The following KIAA1958 variants were observed in gnomAD, a reference collection of about 807,000 sequenced individuals.
KIAA1958 encodes uncharacterized protein KIAA1958.
Under a neutral mutation model 47.2 loss-of-function variants are expected in KIAA1958, and 14 were observed. That is an observed-to-expected ratio of 0.30 (90% confidence interval 0.20 to 0.46). KIAA1958 has a LOEUF of 0.46. Ranked by LOEUF, KIAA1958 falls within the 20% of genes least tolerant of loss-of-function variation. The pLI is 1.00. For synonymous variants in KIAA1958, 354 were observed against 353.3 expected (o/e 1.00, Z -0.02); for missense variants, 803 against 909.2 (o/e 0.88, Z 1.50).
chr9:112,601,188 A>G (rs1836126134), intron 2 of KIAA1958, among the ~76,000 whole-genome samples: 1 of 152,260 alleles, frequency 6.6e-6, no homozygotes. Flanking sequence ...AAGTTAAGAA[A>G]GAAAATATCT....
chr9:112,643,983 G>A (rs995396410), intron 2 of KIAA1958, among the ~76,000 whole-genome samples: 2 of 152,136 alleles, frequency 1.3e-5, no homozygotes, highest in Non-Finnish European at 2.9e-5. Flanking sequence ...TTCTAGACCA[G>A]CCTGGCCAAC....
At chr9:112,638,803 A>G (rs555379842) in intron 2 of KIAA1958, among the ~76,000 whole-genome samples, 165 of 151,968 alleles carry the variant, frequency 1.1e-3, no homozygotes, top group Non-Finnish European at 1.6e-3. Flanking sequence ...TTTTTTCTAT[A>G]TTCTTTTCTC....
At chr9:112,503,868 A>C (rs1219161555) in intron 1 of KIAA1958, among the ~76,000 whole-genome samples, 1 of 151,958 alleles carries the variant, frequency 6.6e-6, no homozygotes, top group African/African-American at 2.4e-5. Flanking sequence ...GCATAAGGAA[A>C]AGATTGGAAG....
At chr9:112,622,520 ATATT>A (rs1172068782) in intron 2 of KIAA1958, among the ~76,000 whole-genome samples, 5 of 152,220 alleles carry the variant, frequency 3.3e-5, no homozygotes, top group African/African-American at 9.6e-5. Flanking sequence ...AAGAGATAGG[ATATT>A]TATTCAAGAC....
Position 112,618,912 on chromosome 9 carries a change from CT to C in KIAA1958, c.1172-26736del, listed in dbSNP as rs1588042456. The C allele has an allele frequency of 7.2e-6, 11 of 1,526,822 alleles. No homozygotes were observed. The East Asian group carries it at 2.7e-4, about 38-fold the overall frequency. The allele number at this position is 1,526,822 out of a possible 1,614,324, so 94.6% of individuals were successfully genotyped here. A position where few individuals can be genotyped will look rare whatever the true frequency, so the allele number is the denominator to read the frequency against. On this transcript the variant is annotated intron_variant, in intron 2 of 3. Coordinates refer to ENST00000337530, the MANE Select transcript of KIAA1958 (RefSeq NM_133465.4). The surrounding 1 kb of genome is among the most constrained non-coding windows in gnomAD (Gnocchi z 7.1). ...TCCTATGACTCTTCCTCAGACACCGCTTGACCAGGTGGCTTGAGCAAGACTC... is the reference window on the plus strand; with the variant it reads ...TCCTATGACTCTTCCTCAGACACCGCTGACCAGGTGGCTTGAGCAAGACTC...
intron 2 of KIAA1958, among the ~76,000 whole-genome samples, chr9:112,580,125 A>G (rs369258110): frequency 2.6e-5 from 4 of 152,178 alleles, no homozygotes; most frequent in Non-Finnish European, 2.9e-5. Context: ...CCACCCTGGA[A>G]ATGGTATTGA....
intron 2 of KIAA1958, among the ~76,000 whole-genome samples, chr9:112,635,215 TGTGTGTGTG>T (rs1428835235): frequency 3.4e-3 from 10 of 2,982 alleles, no homozygotes; most frequent in Non-Finnish European, 0.018. Flanking sequence ...TTCTTTATTT[TGTGTGTGTG>T]TGTGTGTGTG....
chr9:112,612,064 A>G (rs537003330), intron 2 of KIAA1958, among the ~76,000 whole-genome samples: 1 of 152,090 alleles, frequency 6.6e-6, no homozygotes, highest in Admixed American at 6.5e-5. Flanking sequence ...TGTTTATAAT[A>G]CATAATATGT....
chr9:112,599,695 C>A (rs1039081806), intron 2 of KIAA1958, among the ~76,000 whole-genome samples: 2 of 152,164 alleles, frequency 1.3e-5, no homozygotes, highest in African/African-American at 4.8e-5. Flanking sequence ...CATGTGTCTT[C>A]TACAACTGCC....
At chr9:112,532,609 A>G (rs1461710259) in intron 1 of KIAA1958, among the ~76,000 whole-genome samples, 1 of 152,240 alleles carries the variant, frequency 6.6e-6, no homozygotes, top group Non-Finnish European at 1.5e-5. Context: ...GGATTACCAC[A>G]GCACTGGTAG....
chr9:112,607,188 C>T (rs1397668072), intron 2 of KIAA1958, among the ~76,000 whole-genome samples: 1 of 152,018 alleles, frequency 6.6e-6, no homozygotes, highest in Admixed American at 6.6e-5. Context: ...GAAACCCCAT[C>T]TCTACTAAAA....
chr9:112,581,994 C>T, intron 2 of KIAA1958: 1 of 251,798 alleles, frequency 4.0e-6, no homozygotes, highest in Non-Finnish European at 8.2e-6. Context: ...CCCATGAATG[C>T]AAACTCACTG....
chr9:112,617,835 C>A, intron 2 of KIAA1958: 1 of 1,488,890 alleles, frequency 6.7e-7, no homozygotes, highest in Non-Finnish European at 9.1e-7. Context: ...AACTCATCAA[C>A]ACCCTCTCTA....
chr9:112,519,872 G>A (rs554309671), intron 1 of KIAA1958, among the ~76,000 whole-genome samples: 1 of 152,106 alleles, frequency 6.6e-6, no homozygotes, highest in South Asian at 2.1e-4. Context: ...TGTAATTGTT[G>A]TATTATTATA....
At position 112,663,587 on chromosome 9, in the gene KIAA1958, T is replaced by G. The variant is rs534788727; in HGVS notation, c.*3518T>G. 6.6e-6 allele frequency: 1 copy of G among 152,242 alleles called. No individual in the cohort carries two copies. Among genetic ancestry groups the G allele is most frequent in the South Asian group, 2.1e-4 (1 of 4,820 alleles). The allele number at this position is 152,242 out of a possible 1,614,324, so 9.4% of individuals were successfully genotyped here. ...TCCAACACAGCCAAGCTCTGATACC[T>G]CAGATATAAGCAAAAACAAGTGAAG... On this transcript the variant is annotated 3_prime_UTR_variant, in exon 4 of 4. Coordinates refer to ENST00000337530, the MANE Select transcript of KIAA1958 (RefSeq NM_133465.4).
At chr9:112,501,899 ATTGTT>A (rs1243347514) in intron 1 of KIAA1958, among the ~76,000 whole-genome samples, 2 of 152,236 alleles carry the variant, frequency 1.3e-5, no homozygotes, top group Non-Finnish European at 2.9e-5. Flanking sequence ...GTGACATTGT[ATTGTT>A]TTGTTTTCAC....
intron 1 of KIAA1958, among the ~76,000 whole-genome samples, chr9:112,565,469 A>G (rs540275784): frequency 2.6e-4 from 39 of 152,350 alleles, no homozygotes; most frequent in Non-Finnish European, 4.6e-4. Flanking sequence ...ATCATTGCCC[A>G]TGTCAGATAT....
chr9:112,618,954 G>A lies in KIAA1958; in HGVS notation c.1172-26696G>A. On this transcript the variant is annotated intron_variant, in intron 2 of 3. Transcript: ENST00000337530. The surrounding 1 kb of genome is among the most constrained non-coding windows in gnomAD (Gnocchi z 7.1). The stretch of plus-strand genomic sequence containing the variant: ...AGCAAGACTCCAGTTTGGTTACTGT[G>A]TCCGGAGAAACTGTGATTATACACC... The A allele has an allele frequency of 6.7e-7, 1 of 1,489,616 alleles. No homozygotes were observed. The allele number at this position is 1,489,616 out of a possible 1,614,324, so 92.3% of individuals were successfully genotyped here.
Position 112,504,933 on chromosome 9 carries a change from A to G in KIAA1958, c.-25+17815A>G, listed in dbSNP as rs547368396. ...CATGTCTATTGCTGGAGTACAATAC[A>G]TTTTTGTTGAAGATAGTCACCCTAC... On this transcript the variant is annotated intron_variant, in intron 1 of 3. Transcript: ENST00000337530. 2.6e-5 allele frequency among the ~76,000 whole-genome samples: 4 copies of G among 152,284 alleles called. No individual in the cohort carries two copies. The East Asian group carries it at 7.7e-4, about 29-fold the overall frequency.
Sources: gnomAD v4.1 joint callset for allele counts (sites outside exome capture counted in the v4.1 genomes callset) on GRCh38, gnomAD v4.1.1 for gene constraint, Gnocchi (gnomAD v3.1) non-coding constraint, MANE v1.5 for transcripts, NCBI Gene and HGNC (gene_info 2026-07-23, HGNC 2026-07-21) for gene names.